RFX4: variants seen among roughly 807,000 people sequenced by gnomAD.
RFX4 encodes regulatory factor X4.
A neutral mutation model predicts 95.0 loss-of-function variants in RFX4; 10 were observed. The observed-to-expected ratio is 0.11, with a 90% CI of 0.06 to 0.18. The LOEUF is 0.18. Among genes scored for constraint, RFX4 ranks in the 10% least tolerant of loss-of-function variants. The probability of loss-of-function intolerance (pLI) is 1.00; values close to 1 mark genes in which losing one functional copy is unlikely to be tolerated. For synonymous variants in RFX4, 321 were observed against 340.7 expected, an observed-to-expected ratio of 0.94 and a Z score of 0.64; for missense variants, 640 against 922.0, an observed-to-expected ratio of 0.69 and a Z score of 3.96.
chr12:106,646,012 AC>A (rs2040736287), intron 3 of RFX4: 3 of 1,173,280 alleles, frequency 2.6e-6, no homozygotes, highest in Non-Finnish European at 3.4e-6. Flanking sequence ...TGGAACCACA[AC>A]TTTTTTTAAA....
At chr12:106,614,517 GTGTT>G (rs1454309130) in intron 2 of RFX4, among the ~76,000 whole-genome samples, 2 of 145,578 alleles carry the variant, frequency 1.4e-5, no homozygotes, top group Non-Finnish European at 3.0e-5. Context: ...GTGTGTGTGT[GTGTT>G]TGGTTGAGAA....
chr12:106,593,708 G>A (rs2039578118), intron 1 of RFX4, among the ~76,000 whole-genome samples: 1 of 152,198 alleles, frequency 6.6e-6, no homozygotes, highest in Admixed American at 6.5e-5. Flanking sequence ...TTTTAAAAGT[G>A]AGCATGAAAG....
intron 2 of RFX4, 28 bp from the exon 3 acceptor site, chr12:106,639,304 G>A (rs993706752): frequency 1.1e-5 from 17 of 1,605,520 alleles, no homozygotes; most frequent in Non-Finnish European, 1.4e-5. Context: ...TCCTACTGAA[G>A]TTAGCTTCTT....
chr12:106,639,775 A>G (rs12100013), intron 3 of RFX4, among the ~76,000 whole-genome samples: 7,263 of 152,318 alleles, frequency 0.048, 315 homozygotes, highest in African/African-American at 0.11. Context: ...TTATTTTAAC[A>G]TTAATAACAC....
intron 17 of RFX4, among the ~76,000 whole-genome samples, chr12:106,753,482 C>T (rs772011723): frequency 9.2e-5 from 14 of 152,300 alleles, no homozygotes; most frequent in South Asian, 6.2e-4. Context: ...TCCTGTCTGA[C>T]GCGCACGGAG....
intron 1 of RFX4, among the ~76,000 whole-genome samples, chr12:106,595,857 G>A (rs2039610250): frequency 6.6e-6 from 1 of 152,132 alleles, no homozygotes; most frequent in African/African-American, 2.4e-5. Context: ...TATGAACTCA[G>A]CAACTTAGGT....
chr12:106,588,015 G>A (rs1160268669), intron 1 of RFX4, among the ~76,000 whole-genome samples: 1 of 152,152 alleles, frequency 6.6e-6, no homozygotes, highest in African/African-American at 2.4e-5. Context: ...TAAAATGAAG[G>A]GTTAGACAGC....
At chr12:106,722,399 A>C (rs1460465503) in intron 13 of RFX4, among the ~76,000 whole-genome samples, 3 of 152,250 alleles carry the variant, frequency 2.0e-5, no homozygotes, top group Non-Finnish European at 4.4e-5. Flanking sequence ...AGACAGGGAA[A>C]GTAATTCCCT....
intron 15 of RFX4, among the ~76,000 whole-genome samples, chr12:106,734,363 A>G (rs913437841): frequency 5.9e-5 from 9 of 152,154 alleles, no homozygotes; most frequent in African/African-American, 2.2e-4. Context: ...TGGGAGGCCG[A>G]GGTGGGTGGA....
intron 1 of RFX4, among the ~76,000 whole-genome samples, chr12:106,598,014 T>A (rs1035096667): frequency 6.6e-6 from 1 of 152,260 alleles, no homozygotes; most frequent in Non-Finnish European, 1.5e-5. Flanking sequence ...TCTGTGCATT[T>A]GTTCACCTAA....
intron 1 of RFX4, chr12:106,601,137 G>A (rs779673392): frequency 1.6e-4 from 225 of 1,438,816 alleles, no homozygotes; most frequent in Middle Eastern, 2.6e-4. Context: ...GACCTGTGGC[G>A]TTGCCATGGC....
intron 15 of RFX4, among the ~76,000 whole-genome samples, chr12:106,745,424 A>C (rs1399636044): frequency 6.6e-6 from 1 of 152,234 alleles, no homozygotes; most frequent in Non-Finnish European, 1.5e-5. Flanking sequence ...CAATTTATGA[A>C]AGGGCTCACC....
intron 2 of RFX4, among the ~76,000 whole-genome samples, chr12:106,632,833 C>A (rs1029514916): frequency 1.3e-5 from 2 of 152,030 alleles, no homozygotes; most frequent in Non-Finnish European, 2.9e-5. Flanking sequence ...AGGTGCATGC[C>A]ACCGTATCTG....
At chr12:106,739,007 A>T (rs953795265) in intron 15 of RFX4, among the ~76,000 whole-genome samples, 23 of 148,200 alleles carry the variant, frequency 1.6e-4, no homozygotes, top group Admixed American at 1.4e-3. Context: ...TGCCCAGTTA[A>T]TTTTTATTTC....
chr12:106,745,954 C>T (rs922502123), intron 15 of RFX4, among the ~76,000 whole-genome samples: 12 of 152,084 alleles, frequency 7.9e-5, no homozygotes, highest in African/African-American at 2.7e-4. Flanking sequence ...AGCCCAGGAG[C>T]GGTGGCTCAT....
At chr12:106,661,367 T>G (rs1196190319) in intron 4 of RFX4, among the ~76,000 whole-genome samples, 1 of 152,218 alleles carries the variant, frequency 6.6e-6, no homozygotes, top group Non-Finnish European at 1.5e-5. Flanking sequence ...GTGATCTGGG[T>G]TTTTTGTTTG....
At chr12:106,715,601 G>C in intron 11 of RFX4, 57 bp downstream of exon 11, 2 of 1,594,438 alleles carry the variant, frequency 1.3e-6, no homozygotes, top group Non-Finnish European at 1.7e-6. Flanking sequence ...GAAAGAAAAA[G>C]TGTCTTAGTA....
At chr12:106,756,235 C>G (rs868522115) in intron 17 of RFX4, among the ~76,000 whole-genome samples, 8 of 152,208 alleles carry the variant, frequency 5.3e-5, no homozygotes, top group Admixed American at 3.9e-4. Flanking sequence ...TCCCCATTCC[C>G]AGGCCCAACC....
Position 106,761,656 on chromosome 12 carries a change from C to T in RFX4, c.*187C>T, listed in dbSNP as rs2043209913. ...GGATGAATAAACTTTAGTTCAGAAACAGGACTTACTAAAAGTCAGTGGGAC... is the reference window on the plus strand; with the variant it reads ...GGATGAATAAACTTTAGTTCAGAAATAGGACTTACTAAAAGTCAGTGGGAC... On this transcript the variant is annotated 3_prime_UTR_variant, in exon 18 of 18. Transcript: ENST00000392842. The T allele has an allele frequency of 6.8e-6, 2 of 295,618 alleles. No individual in the cohort carries two copies. Among genetic ancestry groups the T allele is most frequent in the Non-Finnish European group, 1.1e-5 (2 of 179,802 alleles). The allele number at this position is 295,618 out of a possible 1,614,324, so 18.3% of individuals were successfully genotyped here. A position where few individuals can be genotyped will look rare whatever the true frequency, so the allele number is the denominator to read the frequency against.
Sources: gnomAD v4.1 joint callset for allele counts (sites outside exome capture counted in the v4.1 genomes callset) on GRCh38, gnomAD v4.1.1 for gene constraint, MANE v1.5 for transcripts, NCBI Gene and HGNC (gene_info 2026-07-23, HGNC 2026-07-21) for gene names.